Variants in AGAP1 observed in about 807,000 individuals in gnomAD.
AGAP1 encodes the protein ArfGAP with GTPase domain, ankyrin repeat and PH domain 1.
In AGAP1, 29 loss-of-function variants were observed where a neutral mutation model predicts 105.3. That is an observed-to-expected ratio of 0.28 (90% confidence interval 0.21 to 0.38). The LOEUF (loss-of-function observed/expected upper bound fraction) is 0.38, where lower values mean the gene tolerates loss of function less well. Ranked by LOEUF, AGAP1 falls within the 10% of genes least tolerant of loss-of-function variation. AGAP1 has a pLI of 1.00. For synonymous variants in AGAP1, 509 were observed against 485.9 expected (o/e 1.05, Z -0.63); for missense variants, 998 against 1,165.1 (o/e 0.86, Z 2.09).
At chr2:235,626,336 C>T (rs1274725279) in intron 1 of AGAP1, among the ~76,000 whole-genome samples, 3 of 152,146 alleles carry the variant, frequency 2.0e-5, no homozygotes, top group Non-Finnish European at 2.9e-5. Context: ...CCAGCCTGGG[C>T]GACAGAGTGA....
rs185568896 is a variant in AGAP1 at position 235,740,987 on chromosome 2, T to C, written c.335T>C (p.Val112Ala). Residue 112 changes from valine (V) to alanine (A), a missense_variant, in exon 4 of 18, where the codon GTC becomes GCC. Val to Ala is a moderately conservative substitution (Grantham distance 64). Coordinates refer to ENST00000304032, the MANE Select transcript of AGAP1 (RefSeq NM_001037131.3). This position sits in a 1 kb window ranked among gnomAD's most constrained non-coding sequence, Gnocchi z 5.7. Reference sequence around the variant, plus strand: ...GGTGGCAGGTTCAAGAAAGAGATTGTCGTTGATGGACAGAGCTATCTGCTG... The same window carrying C: ...GGTGGCAGGTTCAAGAAAGAGATTGCCGTTGATGGACAGAGCTATCTGCTG... ...PEGGRFKKEI[V>A]VDGQSYLLLI... 22 of 1,614,192 alleles carry C rather than the reference T, an allele frequency of 1.4e-5. No homozygotes were observed. In the Admixed American group the frequency reaches 2.5e-4, roughly 18 times the overall value.
At chr2:235,745,346 C>T (rs979126461) in intron 5 of AGAP1, among the ~76,000 whole-genome samples, 1 of 152,160 alleles carries the variant, frequency 6.6e-6, no homozygotes, top group Non-Finnish European at 1.5e-5. Context: ...TGACAGGCCC[C>T]TCAGACAGAG....
chr2:235,886,402 C>T (rs180806517), intron 10 of AGAP1, among the ~76,000 whole-genome samples: 26 of 152,342 alleles, frequency 1.7e-4, no homozygotes, highest in African/African-American at 5.5e-4. Context: ...ATGGTAACAA[C>T]GATATGTATC....
Position 235,961,302 on chromosome 2 carries a change from G to C in AGAP1, c.1484-7160G>C, listed in dbSNP as rs2054175824. Among the ~76,000 whole-genome samples, 1 of 152,196 alleles carries C rather than the reference G, an allele frequency of 6.6e-6. No homozygotes were observed. The highest frequency in any genetic ancestry group is 2.1e-4 in the South Asian group (1 of 4,830). On this transcript the variant is annotated intron_variant, in intron 12 of 17. Transcript: ENST00000304032. This position sits in a 1 kb window ranked among gnomAD's most constrained non-coding sequence, Gnocchi z 5.9. ...TGGCTCCTGGAGTCTAAAACTTCCT[G>C]GTGTCCCTTCTGCCTGCCTAGCAGA...
At chr2:236,122,499 A>G (rs2125982820) in intron 17 of AGAP1, among the ~76,000 whole-genome samples, 1 of 152,294 alleles carries the variant, frequency 6.6e-6, no homozygotes, top group South Asian at 2.1e-4. Context: ...ACTCCCACAC[A>G]TTGTGAGTTG....
intron 1 of AGAP1, chr2:235,505,795 AG>A (rs1559208001): frequency 1.3e-5 from 2 of 152,128 alleles, no homozygotes; most frequent in African/African-American, 4.8e-5. Flanking sequence ...GCCTGGGAAG[AG>A]CGGGGTAGGC....
rs917242830 is a variant in AGAP1 at position 235,550,852 on chromosome 2, A to G, written c.163+56003A>G. Reference sequence around the variant, plus strand: ...TGCAGTGGCACTGTCTCGGCTCACTACAACCTCCACCTCCTGGGTCCAAGC... The same window carrying G: ...TGCAGTGGCACTGTCTCGGCTCACTGCAACCTCCACCTCCTGGGTCCAAGC... On this transcript the variant is annotated intron_variant, in intron 1 of 17. Transcript: ENST00000304032. The surrounding 1 kb of genome is among the most constrained non-coding windows in gnomAD (Gnocchi z 4.6). Among the ~76,000 whole-genome samples, 3 of 151,830 alleles carry G rather than the reference A, an allele frequency of 2.0e-5. No homozygotes were observed. Among genetic ancestry groups the G allele is most frequent in the Admixed American group, 2.0e-4 (3 of 15,252 alleles).
Position 236,053,616 on chromosome 2 carries a change from G to A in AGAP1, c.2114+4335G>A, listed in dbSNP as rs1576181529. Among the ~76,000 whole-genome samples, 1 of 152,384 alleles carries A rather than the reference G, an allele frequency of 6.6e-6. No homozygotes were observed. The highest frequency in any genetic ancestry group is 1.9e-4 in the East Asian group (1 of 5,184). ...TCTTGGCAGAAGCCTCGCTCTGCGT[G>A]GCACTGCATCTCCCCATCTTTGTGT... On this transcript the variant is annotated intron_variant, in intron 16 of 17. Transcript: ENST00000304032. The surrounding 1 kb of genome is among the most constrained non-coding windows in gnomAD (Gnocchi z 4.6).
At position 235,757,355 on chromosome 2, in the gene AGAP1, C is replaced by T. The variant is rs549184618; in HGVS notation, c.673+6867C>T. ...GCTGTGTGCCAGGTGCTAGCGCTCCCGGGCCCTGTGTGCCAGGTGCTAGTG... is the reference window on the plus strand; with the variant it reads ...GCTGTGTGCCAGGTGCTAGCGCTCCTGGGCCCTGTGTGCCAGGTGCTAGTG... On this transcript the variant is annotated intron_variant, in intron 6 of 17. Transcript: ENST00000304032. Among the ~76,000 whole-genome samples, 12 of 146,562 alleles carry T rather than the reference C, an allele frequency of 8.2e-5. No homozygotes were observed. In the South Asian group the frequency reaches 2.5e-3, roughly 31 times the overall value.
intron 1 of AGAP1, among the ~76,000 whole-genome samples, chr2:235,652,080 G>T (rs757982316): frequency 2.6e-5 from 4 of 152,140 alleles, no homozygotes; most frequent in Non-Finnish European, 4.4e-5. Context: ...CATATCGAAG[G>T]GGGCAAACTT....
intron 3 of AGAP1, among the ~76,000 whole-genome samples, chr2:235,730,487 A>AC (rs1405691760): frequency 6.6e-6 from 1 of 150,614 alleles, no homozygotes; most frequent in East Asian, 2.0e-4. Flanking sequence ...TAAAAAAAAA[A>AC]AAAAAAAAAA....
chr2:235,880,099 T>C (rs2049935640), intron 9 of AGAP1, among the ~76,000 whole-genome samples: 3 of 151,654 alleles, frequency 2.0e-5, no homozygotes, highest in African/African-American at 7.3e-5. Context: ...TTTTTTTTTT[T>C]TTTAAAGTTT....
rs775895147 is a variant in AGAP1 at position 236,085,551 on chromosome 2, G to C, written c.2115-34641G>C. ...GCAACAAACACTGTTCCAGCTGGTA[G>C]GACCAGCCCATGGATCCCAGAGGCC... On this transcript the variant is annotated intron_variant, in intron 16 of 17. Transcript: ENST00000304032. Among the ~76,000 whole-genome samples, 43 of 152,348 alleles carry C rather than the reference G, an allele frequency of 2.8e-4. 1 individual carries two copies. In the South Asian group the frequency reaches 2.9e-3, roughly 10 times the overall value.
chr2:236,033,082 C>T (rs951356159), intron 13 of AGAP1, among the ~76,000 whole-genome samples: 55 of 152,102 alleles, frequency 3.6e-4, no homozygotes, highest in African/African-American at 1.3e-3. Context: ...CCTGTCTCCA[C>T]TAAAAATACA....
intron 11 of AGAP1, among the ~76,000 whole-genome samples, chr2:235,913,661 G>A (rs2051733674): frequency 6.6e-6 from 1 of 152,070 alleles, no homozygotes; most frequent in African/African-American, 2.4e-5. Flanking sequence ...TTATCTTCCA[G>A]TTTTTCTTGG....
Position 235,981,855 on chromosome 2 carries a change from G to A in AGAP1, c.1645+13232G>A, listed in dbSNP as rs1273064664. ...CTCGCCGCCTCTAACACATCTCCAC[G>A]GTGACCTTCCCTTCCCTTGGAAGGG... On this transcript the variant is annotated intron_variant, in intron 13 of 17. Transcript: ENST00000304032. This position sits in a 1 kb window ranked among gnomAD's most constrained non-coding sequence, Gnocchi z 5.5. 1.3e-5 allele frequency among the ~76,000 whole-genome samples: 2 copies of A among 152,174 alleles called. No homozygotes were observed. Among genetic ancestry groups the A allele is most frequent in the East Asian group, 1.9e-4 (1 of 5,192 alleles).
chr2:236,011,572 C>T (rs1008109738), intron 13 of AGAP1, among the ~76,000 whole-genome samples: 1 of 152,140 alleles, frequency 6.6e-6, no homozygotes, highest in African/African-American at 2.4e-5. Context: ...TAACGGAATG[C>T]TCACACCCTG....
At position 236,070,388 on chromosome 2, in the gene AGAP1, T is replaced by C. The variant is rs140743778; in HGVS notation, c.2114+21107T>C. 2.2e-3 allele frequency among the ~76,000 whole-genome samples: 337 copies of C among 152,332 alleles called. 1 individual carries two copies. Among genetic ancestry groups the C allele is most frequent in the African/African-American group, 7.7e-3 (321 of 41,572 alleles). The stretch of plus-strand genomic sequence containing the variant: ...GCATCTATAAAGTTATGAGTTCCTC[T>C]GAAGTTTTAGTGAAATTACGGGGCT... On this transcript the variant is annotated intron_variant, in intron 16 of 17. Transcript: ENST00000304032.
intron 16 of AGAP1, among the ~76,000 whole-genome samples, chr2:236,116,466 C>T (rs1308094805): frequency 2.0e-5 from 3 of 151,222 alleles, no homozygotes; most frequent in Non-Finnish European, 4.4e-5. Flanking sequence ...TCTCCTGCAT[C>T]AGCCTCCTGA....
Sources: allele counts gnomAD v4.1 joint callset (sites outside exome capture counted in the v4.1 genomes callset), GRCh38; gene constraint gnomAD v4.1.1; non-coding constraint Gnocchi (gnomAD v3.1); transcripts MANE v1.5; gene names NCBI Gene and HGNC (gene_info 2026-07-23, HGNC 2026-07-21).